The following PLEKHD1 variants were observed in gnomAD, a reference collection of about 807,000 sequenced individuals.
The protein encoded by PLEKHD1 is pleckstrin homology domain-containing family D member 1.
A neutral mutation model predicts 69.2 loss-of-function variants in PLEKHD1; 51 were observed. That is an observed-to-expected ratio of 0.74 (90% confidence interval 0.59 to 0.93). The LOEUF is 0.93. PLEKHD1 is among the 40% of genes least tolerant of loss of function. The pLI is 0.00. For synonymous variants in PLEKHD1, 236 were observed against 244.7 expected, an observed-to-expected ratio of 0.96 and a Z score of 0.33; for missense variants, 584 against 641.0, an observed-to-expected ratio of 0.91 and a Z score of 0.96.
At chr14:69,527,046 C>T in intron 10 of PLEKHD1, 142 bp from the exon 11 acceptor site, 1 of 1,229,296 alleles carries the variant, frequency 8.1e-7, no homozygotes, top group Non-Finnish European at 1.1e-6. Flanking sequence ...CCATCTGGTT[C>T]AAAGGGTAAG....
chr14:69,483,458 A>G (rs1471701950), upstream of PLEKHD1, among the ~76,000 whole-genome samples: 1 of 152,126 alleles, frequency 6.6e-6, no homozygotes. Context: ...TAAGAATGAT[A>G]CAAGTGGTTG....
At position 69,528,408 on chromosome 14, in the gene PLEKHD1, G is replaced by C. The variant is rs996601915; in HGVS notation, c.1510G>C (p.Gly504Arg). 7 of 1,550,820 alleles carry C rather than the reference G, an allele frequency of 4.5e-6. No individual in the cohort carries two copies. The highest frequency in any genetic ancestry group is 6.1e-6 in the Non-Finnish European group (7 of 1,146,946). The part of the protein sequence containing the change: ...QPGAPSALSR[G>R]GK ...TGGAGCCCCCTCGGCACTCTCCCGGGGTGGAAAGTGATGGGCGCTCCTCCC... is the reference window on the plus strand; with the variant it reads ...TGGAGCCCCCTCGGCACTCTCCCGGCGTGGAAAGTGATGGGCGCTCCTCCC... The change falls in exon 13 of 13, where the codon GGT (glycine) becomes CGT (arginine). Residue 504 changes from glycine to arginine, a missense_variant. By Grantham distance (125) the Gly-to-Arg change is moderately radical. Coordinates refer to ENST00000322564, the MANE Select transcript of PLEKHD1 (RefSeq NM_001161498.2).
intron 10 of PLEKHD1, 137 bp downstream of exon 10, chr14:69,526,966 C>T (rs1230122287): frequency 3.0e-6 from 4 of 1,321,430 alleles, no homozygotes; most frequent in African/African-American, 1.5e-5. Flanking sequence ...GATGGAGCCA[C>T]CACGAGGGGA....
chr14:69,503,956 G>A (rs1227225577), intron 6 of PLEKHD1, among the ~76,000 whole-genome samples: 1 of 152,000 alleles, frequency 6.6e-6, no homozygotes, highest in East Asian at 1.9e-4. Flanking sequence ...GCAGGGGGCG[G>A]TAGTGGGTAG....
chr14:69,524,761 G>A (rs532977045), intron 8 of PLEKHD1, among the ~76,000 whole-genome samples: 2 of 152,100 alleles, frequency 1.3e-5, no homozygotes, highest in African/African-American at 4.8e-5. Flanking sequence ...AACTGGGATG[G>A]GGTGGGGAGG....
At position 69,511,139 on chromosome 14, in the gene PLEKHD1, T is replaced by TTTTG. The variant is rs140435936; in HGVS notation, c.555+8279_555+8282dup. On this transcript the variant is annotated intron_variant, in intron 6 of 12. Coordinates refer to ENST00000322564, the MANE Select transcript of PLEKHD1 (RefSeq NM_001161498.2). ...ATTCGTTTGGATTTGGTTTTCTTTG[T>TTTTG]TTTGTTTGTTTGTTTGTTTGTTGTT... Among the ~76,000 whole-genome samples, 564 of 152,180 alleles carry TTTTG rather than the reference T, an allele frequency of 3.7e-3. 1 individual carries two copies. Among genetic ancestry groups the TTTTG allele is most frequent in the Middle Eastern group, 0.014 (4 of 294 alleles).
intron 6 of PLEKHD1, among the ~76,000 whole-genome samples, chr14:69,519,222 G>A (rs1328589948): frequency 6.6e-6 from 1 of 152,104 alleles, no homozygotes. Context: ...GTCAGGGAGT[G>A]GCAGGGCTGA....
chr14:69,501,211 T>G, intron 4 of PLEKHD1: 1 of 544,390 alleles, frequency 1.8e-6, no homozygotes, highest in South Asian at 2.1e-5. Context: ...ATTTGATGCC[T>G]CCTGACACCC....
intron 1 of PLEKHD1, among the ~76,000 whole-genome samples, chr14:69,486,118 G>A (rs1007713680): frequency 3.3e-5 from 5 of 152,164 alleles, no homozygotes; most frequent in Non-Finnish European, 7.3e-5. Flanking sequence ...GCGGAGGTGT[G>A]ACCCTTCCAG....
Position 69,503,169 on chromosome 14 carries a change from A to G in PLEKHD1, c.555+290A>G, listed in dbSNP as rs1348664842. On this transcript the variant is annotated intron_variant, in intron 6 of 12. Transcript: ENST00000322564. ...TCATCAGCTGCATCAGTTGGTAATGAGCTGCTTGTCAATGATGTTCACGGG... is the reference window on the plus strand; with the variant it reads ...TCATCAGCTGCATCAGTTGGTAATGGGCTGCTTGTCAATGATGTTCACGGG... The G allele has an allele frequency of 6.8e-6, 3 of 440,108 alleles. No individual in the cohort carries two copies. In the East Asian group the frequency reaches 1.3e-4, roughly 20 times the overall value. The allele number at this position is 440,108 out of a possible 1,614,324, so 27.3% of individuals were successfully genotyped here. A position where few individuals can be genotyped will look rare whatever the true frequency, so the allele number is the denominator to read the frequency against.
chr14:69,486,624 A>C (rs1206852056), intron 1 of PLEKHD1, among the ~76,000 whole-genome samples: 1 of 152,164 alleles, frequency 6.6e-6, no homozygotes, highest in Non-Finnish European at 1.5e-5. Flanking sequence ...CAGATAGTTA[A>C]TCTTTCTTTT....
intron 1 of PLEKHD1, among the ~76,000 whole-genome samples, chr14:69,498,793 G>A (rs1026625798): frequency 3.9e-5 from 6 of 151,978 alleles, no homozygotes; most frequent in African/African-American, 1.5e-4. Flanking sequence ...GATTACAGGT[G>A]TGCGCCACCA....
chr14:69,502,910 C>G (rs977061944), intron 6 of PLEKHD1, 31 bp downstream of exon 6: 4 of 1,551,040 alleles, frequency 2.6e-6, no homozygotes, highest in Non-Finnish European at 3.5e-6. Context: ...TCTCAGCAGC[C>G]GTGGTGTAAT....
intron 6 of PLEKHD1, among the ~76,000 whole-genome samples, chr14:69,518,192 A>T (rs1883429003): frequency 6.6e-6 from 1 of 151,682 alleles, no homozygotes; most frequent in Non-Finnish European, 1.5e-5. Context: ...GTACCACCAT[A>T]CCTGGCTAAT....
chr14:69,506,891 CTTTTTTTTT>C (rs1162412450), intron 6 of PLEKHD1, among the ~76,000 whole-genome samples: 19 of 78,066 alleles, frequency 2.4e-4, no homozygotes, highest in African/African-American at 8.6e-4. Context: ...CTGGCAACTG[CTTTTTTTTT>C]TTTTTTTTTT....
chr14:69,519,681 A>G (rs1051644140), intron 6 of PLEKHD1, among the ~76,000 whole-genome samples: 3 of 152,190 alleles, frequency 2.0e-5, no homozygotes, highest in Non-Finnish European at 2.9e-5. Flanking sequence ...GGAGGGAAGG[A>G]ATGGGTTTTA....
At chr14:69,518,149 A>G (rs1686944226) in intron 6 of PLEKHD1, among the ~76,000 whole-genome samples, 1 of 152,090 alleles carries the variant, frequency 6.6e-6, no homozygotes, top group Admixed American at 6.5e-5. Flanking sequence ...CTCCTGCCTC[A>G]GCCCCTCAAG....
At chr14:69,502,948 A>T in intron 6 of PLEKHD1, 69 bp downstream of exon 6, 2 of 1,526,678 alleles carry the variant, frequency 1.3e-6, no homozygotes, top group Middle Eastern at 1.7e-4. Flanking sequence ...CTAGGGAATG[A>T]TGCAGGGGAG....
chr14:69,509,554 T>A (rs1883223633), intron 6 of PLEKHD1, among the ~76,000 whole-genome samples: 1 of 152,228 alleles, frequency 6.6e-6, no homozygotes, highest in Non-Finnish European at 1.5e-5. Context: ...TTGTGATTTA[T>A]TTTTTGTGAA....
Sources: allele counts gnomAD v4.1 joint callset (sites outside exome capture counted in the v4.1 genomes callset), GRCh38; gene constraint gnomAD v4.1.1; transcripts MANE v1.5; gene names NCBI Gene and HGNC (gene_info 2026-07-23, HGNC 2026-07-21).